CNTNAP5: variants seen among roughly 807,000 people sequenced by gnomAD.
CNTNAP5 encodes contactin-associated protein-like 5.
A neutral mutation model predicts 150.2 loss-of-function variants in CNTNAP5; 72 were observed. The observed-to-expected ratio is 0.48, with a 90% CI of 0.40 to 0.58. The LOEUF is 0.58. Ranked by LOEUF, CNTNAP5 falls within the 20% of genes least tolerant of loss-of-function variation. The probability of loss-of-function intolerance (pLI) is 0.00; values close to 1 mark genes in which losing one functional copy is unlikely to be tolerated. For synonymous variants in CNTNAP5, 672 were observed against 619.8 expected (o/e 1.08, Z -1.25); for missense variants, 1,636 against 1,626.2 (o/e 1.01, Z -0.10).
intron 16 of CNTNAP5, among the ~76,000 whole-genome samples, chr2:124,767,820 C>A (rs958577057): frequency 3.3e-5 from 5 of 152,164 alleles, no homozygotes; most frequent in African/African-American, 1.2e-4. Flanking sequence ...TGTCAGTCAT[C>A]TGATGGTTTT....
intron 13 of CNTNAP5, among the ~76,000 whole-genome samples, chr2:124,698,375 TACAC>T (rs59897587): frequency 2.9e-3 from 425 of 146,958 alleles, no homozygotes; most frequent in Middle Eastern, 7.0e-3. Context: ...GACGAGAGGA[TACAC>T]ACACACACAC....
chr2:124,905,132 T>G (rs1032139434), intron 22 of CNTNAP5, among the ~76,000 whole-genome samples: 1 of 147,622 alleles, frequency 6.8e-6, no homozygotes, highest in Non-Finnish European at 1.5e-5. Context: ...TTTTGTTTTT[T>G]TTTTTTTCCA....
intron 3 of CNTNAP5, among the ~76,000 whole-genome samples, chr2:124,282,697 C>T (rs1034275783): frequency 6.6e-6 from 1 of 151,248 alleles, no homozygotes; most frequent in Non-Finnish European, 1.5e-5. Context: ...CAGATAAATA[C>T]ATTAAATCAA....
At chr2:124,217,063 A>G (rs1686176808) in intron 1 of CNTNAP5, among the ~76,000 whole-genome samples, 1 of 152,140 alleles carries the variant, frequency 6.6e-6, no homozygotes, top group Admixed American at 6.6e-5. Context: ...GAAAAGACCC[A>G]TGAAAAAGCT....
chr2:124,175,948 G>A (rs1685053474), intron 1 of CNTNAP5, among the ~76,000 whole-genome samples: 1 of 152,026 alleles, frequency 6.6e-6, no homozygotes, highest in South Asian at 2.1e-4. Context: ...TTCTCATTTG[G>A]GTCTATATGT....
intron 3 of CNTNAP5, among the ~76,000 whole-genome samples, chr2:124,405,315 C>T (rs114411197): frequency 0.01 from 1,579 of 152,290 alleles, 17 homozygotes; most frequent in African/African-American, 0.036. Flanking sequence ...GGGCTGAAAC[C>T]TTCTTTGATG....
intron 7 of CNTNAP5, among the ~76,000 whole-genome samples, chr2:124,486,462 T>C (rs1368370298): frequency 6.6e-6 from 1 of 152,178 alleles, no homozygotes; most frequent in Non-Finnish European, 1.5e-5. Flanking sequence ...TAACACTTTT[T>C]TAAATGTAAA....
At chr2:124,058,690 A>ATCCTT (rs1209729526) in intron 1 of CNTNAP5, among the ~76,000 whole-genome samples, 1 of 152,202 alleles carries the variant, frequency 6.6e-6, no homozygotes. Context: ...CATGGCACAT[A>ATCCTT]TTAGGTGCTC....
At chr2:124,332,378 T>C (rs1689370486) in intron 3 of CNTNAP5, among the ~76,000 whole-genome samples, 1 of 151,296 alleles carries the variant, frequency 6.6e-6, no homozygotes, top group South Asian at 2.1e-4. Context: ...AAAATTTTAA[T>C]TATTAGCAAT....
chr2:124,064,190 G>A (rs1441397359), intron 1 of CNTNAP5, among the ~76,000 whole-genome samples: 1 of 152,090 alleles, frequency 6.6e-6, no homozygotes, highest in African/African-American at 2.4e-5. Context: ...CCTGTATTAA[G>A]TGCATCTGAA....
rs183628868 is a variant in CNTNAP5 at position 124,820,334 on chromosome 2, C to A, written c.3217+22014C>A. The stretch of plus-strand genomic sequence containing the variant: ...AGTACTACTGGCCCATTCTATCACA[C>A]ATTGAGAGAATGATGGTTTTCCACT... On this transcript the variant is annotated intron_variant, in intron 19 of 23. Transcript: ENST00000682447. 2.5e-3 allele frequency among the ~76,000 whole-genome samples: 380 copies of A among 152,106 alleles called. 3 individuals are homozygous for A. Among genetic ancestry groups the A allele is most frequent in the Non-Finnish European group, 4.3e-3 (290 of 68,000 alleles).
At chr2:124,657,861 C>T (rs543155030) in intron 13 of CNTNAP5, among the ~76,000 whole-genome samples, 11 of 152,322 alleles carry the variant, frequency 7.2e-5, no homozygotes, top group East Asian at 1.9e-4. Context: ...TCTGATTTTA[C>T]GTACAACTAA....
chr2:124,072,090 T>A (rs1573733308), intron 1 of CNTNAP5, among the ~76,000 whole-genome samples: 3 of 152,004 alleles, frequency 2.0e-5, no homozygotes, highest in African/African-American at 7.2e-5. Flanking sequence ...TGAAAATCAA[T>A]CAGTGTGATA....
chr2:124,326,254 T>G (rs1172473283), intron 3 of CNTNAP5, among the ~76,000 whole-genome samples: 1 of 152,200 alleles, frequency 6.6e-6, no homozygotes, highest in Non-Finnish European at 1.5e-5. Flanking sequence ...GTGCATGGCC[T>G]GTGCAAAATA....
intron 13 of CNTNAP5, among the ~76,000 whole-genome samples, chr2:124,691,579 T>C (rs1347660720): frequency 6.6e-6 from 1 of 152,114 alleles, no homozygotes. Flanking sequence ...ATTTATCTCA[T>C]ATTGTCTTGT....
chr2:124,274,804 C>A (rs1478826504), intron 3 of CNTNAP5, among the ~76,000 whole-genome samples: 1 of 152,116 alleles, frequency 6.6e-6, no homozygotes, highest in East Asian at 1.9e-4. Flanking sequence ...TTCTTATCTC[C>A]CTCTGGTAAT....
intron 17 of CNTNAP5, among the ~76,000 whole-genome samples, chr2:124,786,187 T>G (rs62171346): frequency 0.076 from 11,470 of 151,280 alleles, 739 homozygotes; most frequent in African/African-American, 0.17. Flanking sequence ...GCTTGAACTT[T>G]GGGAGATGGA....
intron 11 of CNTNAP5, among the ~76,000 whole-genome samples, chr2:124,567,854 T>TAGATAGATAGATAGATAG (rs1553480423): frequency 5.1e-5 from 6 of 117,010 alleles, no homozygotes; most frequent in African/African-American, 1.9e-4. Context: ...GATAGATAGA[T>TAGATAGATAGATAGATAG]AGATAGATAG....
chr2:124,696,721 T>G (rs2105085106), intron 13 of CNTNAP5, among the ~76,000 whole-genome samples: 1 of 152,314 alleles, frequency 6.6e-6, no homozygotes. Context: ...GGTGAGCGTG[T>G]CAAATAATAC....
Sources: gnomAD v4.1 joint callset for allele counts (sites outside exome capture counted in the v4.1 genomes callset) on GRCh38, gnomAD v4.1.1 for gene constraint, MANE v1.5 for transcripts, NCBI Gene and HGNC (gene_info 2026-07-23, HGNC 2026-07-21) for gene names.